Variants in TEX36 observed in about 807,000 individuals in gnomAD.
TEX36 encodes the protein testis-expressed protein 36.
Under a neutral mutation model 13.6 loss-of-function variants are expected in TEX36, and 12 were observed. The ratio of observed to expected loss-of-function variants is 0.88; its 90% CI spans 0.56 to 1.43. The LOEUF (loss-of-function observed/expected upper bound fraction) is 1.43. Among genes scored for constraint, TEX36 ranks in the 40% most tolerant of loss-of-function variants. The pLI is 0.00. For synonymous variants in TEX36, 93 were observed against 83.0 expected, an observed-to-expected ratio of 1.12 and a Z score of -0.65; for missense variants, 224 against 228.3, an observed-to-expected ratio of 0.98 and a Z score of 0.12.
intron 3 of TEX36, among the ~76,000 whole-genome samples, chr10:125,604,888 G>A (rs930418429): frequency 2.6e-5 from 4 of 151,754 alleles, no homozygotes; most frequent in African/African-American, 7.3e-5. Context: ...GGACTATCTA[G>A]TTGCAGGAAA....
downstream of TEX36, among the ~76,000 whole-genome samples, chr10:125,619,736 T>C (rs895296199): frequency 2.0e-5 from 3 of 151,990 alleles, no homozygotes; most frequent in Non-Finnish European, 4.4e-5. Flanking sequence ...TTTGTACTTT[T>C]AGTAGAGACG....
chr10:125,579,198 A>G (rs1240021856), intron 3 of TEX36, among the ~76,000 whole-genome samples: 1 of 152,182 alleles, frequency 6.6e-6, no homozygotes, highest in Non-Finnish European at 1.5e-5. Flanking sequence ...ACTGCCTGAG[A>G]CTGGGTACTT....
intron 3 of TEX36, among the ~76,000 whole-genome samples, chr10:125,588,772 G>A (rs969065858): frequency 2.0e-5 from 3 of 152,084 alleles, no homozygotes; most frequent in African/African-American, 7.2e-5. Context: ...GTGCCACCAC[G>A]CCCAGCTAAT....
At chr10:125,662,076 G>A in intron 1 of TEX36, 99 bp from the exon 2 acceptor site, 2 of 1,455,410 alleles carry the variant, frequency 1.4e-6, no homozygotes, top group East Asian at 2.5e-5. Context: ...ATGCAATTTG[G>A]GTGCTTTTGG....
chr10:125,596,510 A>G (rs894223354), intron 3 of TEX36, among the ~76,000 whole-genome samples: 8 of 152,236 alleles, frequency 5.3e-5, no homozygotes, highest in Admixed American at 4.6e-4. Flanking sequence ...ATTCTCTCCT[A>G]GAGCCTCCAG....
At chr10:125,610,342 C>G (rs1396077533) in intron 3 of TEX36, among the ~76,000 whole-genome samples, 1 of 152,174 alleles carries the variant, frequency 6.6e-6, no homozygotes. Flanking sequence ...AGCCAAGAAC[C>G]CAGATGGCCT....
At chr10:125,656,320 G>T in intron 3 of TEX36, 124 bp from the exon 4 acceptor site, 2 of 905,398 alleles carry the variant, frequency 2.2e-6, no homozygotes, top group Non-Finnish European at 3.0e-6. Context: ...TCAGTGGCAC[G>T]ATCTCAGCTC....
chr10:125,640,140 A>G, intron 3 of TEX36: 5 of 985,304 alleles, frequency 5.1e-6, no homozygotes, highest in Non-Finnish European at 6.0e-6. Flanking sequence ...TGTCCCCTGC[A>G]GATGTTACAG....
intron 3 of TEX36, among the ~76,000 whole-genome samples, chr10:125,623,196 TG>T (rs1003123693): frequency 6.6e-6 from 1 of 152,210 alleles, no homozygotes; most frequent in African/African-American, 2.4e-5. Context: ...GCCATTCCAC[TG>T]TTCTATCAAT....
intron 3 of TEX36, among the ~76,000 whole-genome samples, chr10:125,646,009 T>C (rs1467879266): frequency 1.3e-5 from 2 of 152,126 alleles, no homozygotes; most frequent in Admixed American, 1.3e-4. Flanking sequence ...AAAAATCAAA[T>C]ACACTTCTCA....
chr10:125,621,838 C>T (rs1299253273), intron 3 of TEX36, among the ~76,000 whole-genome samples: 1 of 152,142 alleles, frequency 6.6e-6, no homozygotes, highest in Non-Finnish European at 1.5e-5. Context: ...TGGGAGGAAG[C>T]ACCCATCATG....
intron 3 of TEX36, among the ~76,000 whole-genome samples, chr10:125,623,275 G>A (rs1846449146): frequency 6.6e-6 from 1 of 152,288 alleles, no homozygotes; most frequent in Admixed American, 6.5e-5. Context: ...GCTCACTGCT[G>A]CTCTGGCAGC....
At chr10:125,576,924 T>A (rs1443841853) in intron 3 of TEX36, 2 of 1,534,004 alleles carry the variant, frequency 1.3e-6, no homozygotes, top group Non-Finnish European at 1.7e-6. Context: ...TGTGCTTAAA[T>A]CCTTGTAGTT....
chr10:125,660,268 G>T (rs1416342600), intron 3 of TEX36, among the ~76,000 whole-genome samples: 1 of 152,000 alleles, frequency 6.6e-6, no homozygotes, highest in Admixed American at 6.6e-5. Context: ...GGGACAACAG[G>T]CATGCACCAC....
intron 1 of TEX36, among the ~76,000 whole-genome samples, chr10:125,663,818 C>T (rs1847083335): frequency 6.6e-6 from 1 of 152,084 alleles, no homozygotes; most frequent in South Asian, 2.1e-4. Flanking sequence ...AATGGAGGAT[C>T]CATCACCTCC....
chr10:125,586,655 A>AAT (rs1565167268), intron 3 of TEX36, among the ~76,000 whole-genome samples: 3 of 149,470 alleles, frequency 2.0e-5, no homozygotes, highest in Non-Finnish European at 3.0e-5. Context: ...AAAAAAAAAA[A>AAT]AATTAGCCAG....
At chr10:125,667,821 G>A in intron 1 of TEX36, 1 of 1,295,456 alleles carries the variant, frequency 7.7e-7, no homozygotes, top group East Asian at 2.3e-5. Context: ...AGGGACTGCA[G>A]CCGCTTGGCA....
At chr10:125,604,154 G>T (rs189606972) in intron 3 of TEX36, among the ~76,000 whole-genome samples, 1 of 152,254 alleles carries the variant, frequency 6.6e-6, no homozygotes, top group Non-Finnish European at 1.5e-5. Context: ...ACTCTCAATG[G>T]CAGGGTTCCC....
intron 1 of TEX36, among the ~76,000 whole-genome samples, chr10:125,682,194 A>G (rs1746850239): frequency 1.3e-5 from 2 of 152,200 alleles, no homozygotes; most frequent in South Asian, 4.1e-4. Context: ...CATGTTGAAG[A>G]GCAAAGGAGA....
Sources: allele counts gnomAD v4.1 joint callset (sites outside exome capture counted in the v4.1 genomes callset), GRCh38; gene constraint gnomAD v4.1.1; transcripts MANE v1.5; gene names NCBI Gene and HGNC (gene_info 2026-07-23, HGNC 2026-07-21).